Variants in DIP2B observed in about 807,000 individuals in gnomAD.
DIP2B encodes DIP2 acetate--CoA ligase B (putative).
Under a neutral mutation model 198.0 loss-of-function variants are expected in DIP2B, and 76 were observed. That is an observed-to-expected ratio of 0.38 (90% CI 0.32 to 0.46). DIP2B has a LOEUF of 0.46. Ranked by LOEUF, DIP2B falls within the 20% of genes least tolerant of loss-of-function variation. DIP2B has a pLI of 0.99. For missense variants in DIP2B, 1,559 were observed against 1,978.4 expected (o/e 0.79, Z 4.02); for synonymous variants, 701 against 739.1 (o/e 0.95, Z 0.84).
At chr12:50,729,692 G>C (rs796916236) in intron 30 of DIP2B, among the ~76,000 whole-genome samples, 4 of 151,390 alleles carry the variant, frequency 2.6e-5, no homozygotes, top group African/African-American at 9.7e-5. Flanking sequence ...ATGGATATGA[G>C]GATCCATATT....
chr12:50,642,641 T>C (rs182265508), intron 3 of DIP2B, among the ~76,000 whole-genome samples: 3 of 152,006 alleles, frequency 2.0e-5, no homozygotes, highest in Non-Finnish European at 2.9e-5. Flanking sequence ...CAAAAAAATT[T>C]AGCTGGATGT....
rs4604953 is a variant in DIP2B at position 50,627,352 on chromosome 12, T to A, written c.172+1305T>A. The stretch of plus-strand genomic sequence containing the variant: ...TTTACTATGAGAAATTTTTTTTTTT[T>A]AGACAGATTCTTGCTCTGTCACCCA... On this transcript the variant is annotated intron_variant, in intron 2 of 37. Transcript: ENST00000301180. 2.0e-5 allele frequency among the ~76,000 whole-genome samples: 3 copies of A among 152,158 alleles called. No individual in the cohort carries two copies. In the East Asian group the frequency reaches 5.8e-4, roughly 29 times the overall value.
intron 1 of DIP2B, among the ~76,000 whole-genome samples, chr12:50,564,596 G>GA (rs1300803298): frequency 6.6e-6 from 1 of 152,110 alleles, no homozygotes; most frequent in Admixed American, 6.6e-5. Flanking sequence ...ATACCATTAA[G>GA]ACCATATGAA....
intron 1 of DIP2B, among the ~76,000 whole-genome samples, chr12:50,511,291 A>ATTGTTTTTTTTTTTTTTTTT (rs1958013678): frequency 1.5e-5 from 1 of 64,662 alleles, no homozygotes; most frequent in Non-Finnish European, 2.7e-5. Context: ...TGTGATTTCT[A>ATTGTTTTTTTTTTTTTTTTT]TTTTTTTTTT....
chr12:50,608,625 CAAAAA>C (rs546937627), intron 1 of DIP2B, among the ~76,000 whole-genome samples: 2 of 71,868 alleles, frequency 2.8e-5, no homozygotes, highest in Non-Finnish European at 5.8e-5. Context: ...GACTCAGTCT[CAAAAA>C]AAAAAAAAAA....
intron 1 of DIP2B, among the ~76,000 whole-genome samples, chr12:50,614,848 A>G (rs952387911): frequency 6.6e-6 from 1 of 152,200 alleles, no homozygotes; most frequent in Non-Finnish European, 1.5e-5. Context: ...ATGCTGTGGC[A>G]GTGGCAGTAT....
intron 3 of DIP2B, among the ~76,000 whole-genome samples, 183 bp downstream of exon 3, chr12:50,641,035 A>G (rs759091393): frequency 1.5e-4 from 23 of 152,300 alleles, no homozygotes; most frequent in South Asian, 4.1e-4. Flanking sequence ...TAGGTACTCA[A>G]TAATTTGCTG....
At chr12:50,629,947 A>AT (rs544878687) in intron 2 of DIP2B, among the ~76,000 whole-genome samples, 1,297 of 127,210 alleles carry the variant, frequency 0.01, 29 homozygotes, top group African/African-American at 0.026. Flanking sequence ...GGTAAATTTA[A>AT]TTTTTTTTTT....
chr12:50,692,966 G>A lies in DIP2B; in HGVS notation c.1672G>A (p.Val558Ile), dbSNP rs1361871607. The change falls in exon 14 of 38, where the codon GTC (valine) becomes ATC (isoleucine). Residue 558 changes from valine (V) to isoleucine (I), a missense_variant. By Grantham distance (29) the Val-to-Ile change is conservative. Coordinates refer to ENST00000301180, the MANE Select transcript of DIP2B (RefSeq NM_173602.3). ...TATTTTAGGGGAAACAATAGTAAAT[G>A]TCTTAGACTTTAAGAAGGATGCTGG... The part of the protein sequence containing the change: ...NYSEGETIVN[V>I]LDFKKDAGLW... 2 of 1,610,118 alleles carry A rather than the reference G, an allele frequency of 1.2e-6. No individual in the cohort carries two copies. The highest frequency in any genetic ancestry group is 8.5e-7 in the Non-Finnish European group (1 of 1,179,126).
intron 1 of DIP2B, among the ~76,000 whole-genome samples, chr12:50,514,872 G>C (rs779700113): frequency 6.6e-6 from 1 of 151,912 alleles, no homozygotes; most frequent in Non-Finnish European, 1.5e-5. Flanking sequence ...TGCCCAGGCT[G>C]ATCTTGAACT....
At position 50,539,349 on chromosome 12, in the gene DIP2B, C is replaced by T. The variant is rs563985869; in HGVS notation, c.100+34109C>T. Among the ~76,000 whole-genome samples, 55 of 151,482 alleles carry T rather than the reference C, an allele frequency of 3.6e-4. 1 individual carries two copies. Among genetic ancestry groups the T allele is most frequent in the Middle Eastern group, 6.9e-3 (2 of 288 alleles). On this transcript the variant is annotated intron_variant, in intron 1 of 37. Coordinates refer to ENST00000301180, the MANE Select transcript of DIP2B (RefSeq NM_173602.3). Reference sequence around the variant, plus strand: ...ATATATATAAAGTGTATGCACAGGCCGGGTGTGGTGTAATACCAGCACTTT... The same window carrying T: ...ATATATATAAAGTGTATGCACAGGCTGGGTGTGGTGTAATACCAGCACTTT...
chr12:50,696,976 A>G, intron 16 of DIP2B, 85 bp from the exon 17 acceptor site: 1 of 974,220 alleles, frequency 1.0e-6, no homozygotes, highest in East Asian at 2.5e-5. Flanking sequence ...AGAAATAAGT[A>G]TGTCAGCTTT....
At chr12:50,560,965 T>A (rs1958515150) in intron 1 of DIP2B, among the ~76,000 whole-genome samples, 1 of 152,180 alleles carries the variant, frequency 6.6e-6, no homozygotes, top group Middle Eastern at 3.2e-3. Flanking sequence ...GTTTTCACAT[T>A]TTTACAACTT....
chr12:50,748,657 A>AT (rs1940372653), downstream of DIP2B: 1 of 152,564 alleles, frequency 6.6e-6, no homozygotes, highest in Non-Finnish European at 1.5e-5. Context: ...TTGATGCCTG[A>AT]TTCTGTTTAA....
chr12:50,640,378 T>A (rs1166363734), intron 2 of DIP2B, among the ~76,000 whole-genome samples: 1 of 152,038 alleles, frequency 6.6e-6, no homozygotes, highest in Non-Finnish European at 1.5e-5. Flanking sequence ...TAGCTAAGGC[T>A]CCCCAAGCTA....
chr12:50,563,248 G>A (rs540218580), intron 1 of DIP2B, among the ~76,000 whole-genome samples: 58 of 152,104 alleles, frequency 3.8e-4, no homozygotes, highest in Non-Finnish European at 5.6e-4. Context: ...GTGCAGTGAC[G>A]TGATCTTGGC....
chr12:50,555,433 C>A (rs1958461847), intron 1 of DIP2B, among the ~76,000 whole-genome samples: 1 of 152,148 alleles, frequency 6.6e-6, no homozygotes, highest in Non-Finnish European at 1.5e-5. Flanking sequence ...TACCTGCTTT[C>A]CAAATTTCAA....
At chr12:50,529,005 A>G (rs1958191963) in intron 1 of DIP2B, among the ~76,000 whole-genome samples, 2 of 152,188 alleles carry the variant, frequency 1.3e-5, no homozygotes, top group Non-Finnish European at 2.9e-5. Context: ...AGTGATTTGG[A>G]GGAAATGGGT....
chr12:50,595,859 A>C (rs921744882), intron 1 of DIP2B, among the ~76,000 whole-genome samples: 6 of 152,222 alleles, frequency 3.9e-5, no homozygotes, highest in South Asian at 4.1e-4. Context: ...CCTCCTGGGA[A>C]TATATTGAAG....
Sources: allele counts gnomAD v4.1 joint callset (sites outside exome capture counted in the v4.1 genomes callset), GRCh38; gene constraint gnomAD v4.1.1; transcripts MANE v1.5; gene names NCBI Gene and HGNC (gene_info 2026-07-23, HGNC 2026-07-21).